CNTRL: variants seen among roughly 807,000 people sequenced by gnomAD.
CNTRL encodes the protein centriolin.
In CNTRL, 233 loss-of-function variants were observed where a neutral mutation model predicts 303.7. The ratio of observed to expected loss-of-function variants is 0.77; its 90% CI spans 0.69 to 0.86. CNTRL has a LOEUF of 0.86. Ranked by LOEUF, CNTRL falls within the 40% of genes least tolerant of loss-of-function variation. The probability of loss-of-function intolerance (pLI) is 0.00; values close to 1 mark genes in which losing one functional copy is unlikely to be tolerated. For missense variants in CNTRL, 2,524 were observed against 2,650.6 expected (o/e 0.95, Z 1.05); for synonymous variants, 900 against 922.2 (o/e 0.98, Z 0.44).
At chr9:121,131,404 T>C (rs2050848090) in intron 14 of CNTRL, among the ~76,000 whole-genome samples, 1 of 152,240 alleles carries the variant, frequency 6.6e-6, no homozygotes. Flanking sequence ...TTTGTCGCTT[T>C]TGATCTTTGT....
At position 121,169,699 on chromosome 9, in the gene CNTRL, A is replaced by T; in HGVS notation, c.6159A>T (p.Ala2053=). The T allele has an allele frequency of 6.2e-7, 1 of 1,614,238 alleles. No homozygotes were observed. The highest frequency in any genetic ancestry group is 8.5e-7 in the Non-Finnish European group (1 of 1,180,020). Residue 2053 remains alanine, a synonymous_variant, in exon 39 of 44, where the codon GCA becomes GCT. Coordinates refer to ENST00000373855, the MANE Select transcript of CNTRL (RefSeq NM_007018.6). Reference sequence around the variant, plus strand: ...AGAAAGAGGCAGATTCTATGAGGGCAGACTTCAGCCTTCTGCGGAACCAGT... The same window carrying T: ...AGAAAGAGGCAGATTCTATGAGGGCTGACTTCAGCCTTCTGCGGAACCAGT... ...ALQKEADSMR[A]DFSLLRNQFL...
At chr9:121,088,187 C>T (rs2048421597) in intron 2 of CNTRL, 109 bp from the exon 3 acceptor site, 2 of 625,100 alleles carry the variant, frequency 3.2e-6, no homozygotes, top group South Asian at 2.0e-5. Context: ...TGGGTCCTAG[C>T]ATTTATGGCC....
At chr9:121,145,197 A>G in intron 21 of CNTRL, 47 bp from the exon 22 acceptor site, 5 of 1,568,342 alleles carry the variant, frequency 3.2e-6, no homozygotes, top group Non-Finnish European at 4.3e-6. Context: ...GTGTTTGGGA[A>G]AGAATGAATT....
At chr9:121,098,335 G>A (rs1588093175) in intron 6 of CNTRL, 51 bp from the exon 7 acceptor site, 3 of 1,329,354 alleles carry the variant, frequency 2.3e-6, no homozygotes, top group South Asian at 1.4e-5. Flanking sequence ...CTTTAAGTAT[G>A]TTATGATTTT....
intron 13 of CNTRL, among the ~76,000 whole-genome samples, chr9:121,125,282 C>T (rs2133501552): frequency 6.6e-6 from 1 of 151,960 alleles, no homozygotes; most frequent in East Asian, 1.9e-4. Flanking sequence ...ATCCTCCTGC[C>T]TCAGCCTCGT....
chr9:121,081,239 A>G (rs865817025), intron 2 of CNTRL, among the ~76,000 whole-genome samples: 2 of 152,178 alleles, frequency 1.3e-5, no homozygotes, highest in African/African-American at 4.8e-5. Flanking sequence ...ATGCTTGTGA[A>G]GTTATATTAT....
At chr9:121,168,385 A>C (rs2053176613) in intron 38 of CNTRL, 64 bp downstream of exon 38, 1 of 1,454,868 alleles carries the variant, frequency 6.9e-7, no homozygotes. Context: ...GTTGTCTTGC[A>C]AAAGTATTTA....
rs2048897212 is a variant in CNTRL, at chr9:121,096,497, A to G, written c.555A>G (p.Pro185=). 6.4e-7 allele frequency: 1 copy of G among 1,571,006 alleles called. No homozygotes were observed. Among genetic ancestry groups the G allele is most frequent in the Admixed American group, 1.7e-5 (1 of 58,016 alleles). The change falls in exon 6 of 44, where the codon CCA becomes CCG. Residue 185 remains proline, a synonymous_variant. Transcript: ENST00000373855. ...NLAGNEIEHI[P]VWLGKKLKSL... ...CAGGAAATGAAATTGAGCATATTCC[A>G]GTATGGTTAGGGAAGAAGTTAAAAT... is the stretch of plus-strand genomic sequence containing the variant.
chr9:121,140,123 T>TA (rs2051417907), intron 16 of CNTRL, among the ~76,000 whole-genome samples: 2 of 152,236 alleles, frequency 1.3e-5, no homozygotes, highest in African/African-American at 4.8e-5. Flanking sequence ...TTCATGTTGA[T>TA]ATAGGGGCTC....
chr9:121,090,763 G>A (rs2048533324), intron 4 of CNTRL, among the ~76,000 whole-genome samples: 1 of 152,214 alleles, frequency 6.6e-6, no homozygotes, highest in Admixed American at 6.5e-5. Context: ...AGTTGCCACA[G>A]ACTATATGGC....
Position 121,169,637 on chromosome 9 carries a change from C to T in CNTRL, c.6097C>T (p.Gln2033Ter). The change falls in exon 39 of 44, where the codon CAA becomes TAA. Residue 2033 changes from glutamine (Q) to a stop codon, truncating the protein, a stop_gained. Coordinates refer to ENST00000373855, the MANE Select transcript of CNTRL (RefSeq NM_007018.6). LOFTEE classifies it high-confidence loss of function. ...ACGGCAGCTTTCAGAAAGGGAGCAG[C>T]AATTGGTGGAGAAATCAGGTGAGCT... The part of the protein sequence containing the change: ...TKRQLSEREQ[Q>*]LVEKSGELLA... 2 of 1,614,096 alleles carry T rather than the reference C, an allele frequency of 1.2e-6. No homozygotes were observed. The highest frequency in any genetic ancestry group is 4.5e-5 in the East Asian group (2 of 44,882).
At chr9:121,156,594 T>C (rs575495624) in intron 27 of CNTRL, among the ~76,000 whole-genome samples, 5 of 152,178 alleles carry the variant, frequency 3.3e-5, no homozygotes, top group Non-Finnish European at 5.9e-5. Context: ...AAATTTAACA[T>C]ACGGACTCCT....
rs192413934 is a variant in CNTRL, at chr9:121,172,545, G to C, written c.6418-698G>C. ...AGTCCCAGCTATTCGGGAGGCTGAGGGGGGAGGATTGCTTGAGCCTGGGAG... is the reference window on the plus strand; with the variant it reads ...AGTCCCAGCTATTCGGGAGGCTGAGCGGGGAGGATTGCTTGAGCCTGGGAG... On this transcript the variant is annotated intron_variant, in intron 40 of 43. Transcript: ENST00000373855. Among the ~76,000 whole-genome samples, 99 of 152,226 alleles carry C rather than the reference G, an allele frequency of 6.5e-4. 1 individual carries two copies. In the South Asian group the frequency reaches 0.02, roughly 30 times the overall value.
chr9:121,143,850 A>G, intron 19 of CNTRL, 53 bp from the exon 20 acceptor site: 1 of 1,446,566 alleles, frequency 6.9e-7, no homozygotes, highest in Non-Finnish European at 9.4e-7. Context: ...TTACATCTGA[A>G]TTCATTCCTG....
intron 7 of CNTRL, among the ~76,000 whole-genome samples, chr9:121,107,237 T>C (rs1998505): frequency 0.7 from 106,026 of 151,924 alleles, 37,490 homozygotes; most frequent in East Asian, 0.96. Context: ...CTAGGGAAAG[T>C]GTGTGAATAA....
chr9:121,173,873 C>A, intron 42 of CNTRL, 136 bp downstream of exon 42: 1 of 832,438 alleles, frequency 1.2e-6, no homozygotes, highest in Non-Finnish European at 2.0e-6. Context: ...GATGGCATGT[C>A]TGAAGCTTCG....
At chr9:121,095,142 C>G (rs2048835011) in intron 5 of CNTRL, 124 bp downstream of exon 5, 1 of 740,044 alleles carries the variant, frequency 1.4e-6, no homozygotes, top group Admixed American at 3.5e-5. Context: ...TATCTTTATT[C>G]ATCAATCAAA....
chr9:121,157,870 C>G lies in CNTRL; in HGVS notation c.4627C>G (p.Leu1543Val), dbSNP rs1405974042. 6.2e-7 allele frequency: 1 copy of G among 1,614,010 alleles called. No homozygotes were observed. The highest frequency in any genetic ancestry group is 1.7e-5 in the Admixed American group (1 of 59,984). Residue 1543 changes from leucine (L) to valine (V), a missense_variant, in exon 29 of 44, where the codon CTG becomes GTG. Transcript: ENST00000373855. ...ATGTTTAAGCAAGAAGAAGGAAAAA[C>G]TGACAGAAGAGTAAGTAAGGCCTCT... is the stretch of plus-strand genomic sequence containing the variant. ...FQCLSKKKEK[L>V]TEELQKLQKD...
At chr9:121,082,744 C>G (rs180817444) in intron 2 of CNTRL, among the ~76,000 whole-genome samples, 2 of 151,984 alleles carry the variant, frequency 1.3e-5, no homozygotes, top group Non-Finnish European at 2.9e-5. Context: ...GGCCAAGGCA[C>G]GTGGATCACA....
Sources: allele counts gnomAD v4.1 joint callset (sites outside exome capture counted in the v4.1 genomes callset), GRCh38; gene constraint gnomAD v4.1.1; transcripts MANE v1.5; gene names NCBI Gene and HGNC (gene_info 2026-07-23, HGNC 2026-07-21).